Variants in PSTPIP1 observed in about 807,000 individuals in gnomAD.
PSTPIP1 encodes proline-serine-threonine phosphatase interacting protein 1, also known as proline-serine-threonine phosphatase-interacting protein 1.
In PSTPIP1, 66 loss-of-function variants were observed where a neutral mutation model predicts 69.6. The observed-to-expected ratio is 0.95, with a 90% CI of 0.78 to 1.16. The LOEUF (loss-of-function observed/expected upper bound fraction) is 1.16. PSTPIP1 is among the 50% of genes most tolerant of loss of function. The pLI, the probability that PSTPIP1 is intolerant of heterozygous loss-of-function variation, is 0.00. For synonymous variants in PSTPIP1, 266 were observed against 222.7 expected (o/e 1.19, Z -1.73); for missense variants, 603 against 557.4 (o/e 1.08, Z -0.82).
At chr15:77,032,191 C>A in intron 10 of PSTPIP1, 107 bp from the exon 11 acceptor site, 1 of 1,136,268 alleles carries the variant, frequency 8.8e-7, no homozygotes, top group Non-Finnish European at 1.3e-6. Flanking sequence ...GAGCCGCGCA[C>A]AATGGCCTGT....
chr15:77,007,315 A>G (rs1037187248), intron 1 of PSTPIP1, among the ~76,000 whole-genome samples: 5 of 152,210 alleles, frequency 3.3e-5, no homozygotes, highest in East Asian at 3.9e-4. Context: ...CTGGATAAAA[A>G]TCAGACTTCT....
chr15:77,033,197 C>G (rs1225319318), intron 12 of PSTPIP1, among the ~76,000 whole-genome samples: 1 of 152,178 alleles, frequency 6.6e-6, no homozygotes, highest in Non-Finnish European at 1.5e-5. Flanking sequence ...GGAGGTGCTC[C>G]GAGCTCTGGG....
rs146024481 is a variant in PSTPIP1 at position 77,035,393 on chromosome 15, C to G, written c.930-115C>G. ...CCATGCCTGGAGGCTAGGGGCAGTC[C>G]CAGCCCTGGCAGAGCGCGTGCAGCT... On this transcript the variant is annotated intron_variant, in intron 12 of 14. Transcript: ENST00000558012. 9.6e-5 allele frequency: 110 copies of G among 1,145,890 alleles called. No individual in the cohort carries two copies. In the African/African-American group the frequency reaches 1.1e-3, roughly 11 times the overall value. 71.0% of individuals were successfully genotyped at this position (1,145,890 alleles called of 1,614,324 possible).
chr15:77,009,132 G>A (rs2075881003), intron 1 of PSTPIP1, among the ~76,000 whole-genome samples: 1 of 152,174 alleles, frequency 6.6e-6, no homozygotes, highest in Non-Finnish European at 1.5e-5. Context: ...TAATGGCCAA[G>A]CAAGGATAAG....
chr15:77,016,342 G>A (rs899276617), intron 1 of PSTPIP1, among the ~76,000 whole-genome samples: 20 of 152,106 alleles, frequency 1.3e-4, no homozygotes, highest in Admixed American at 5.2e-4. Flanking sequence ...CTTCCCAGCC[G>A]CCAGGAGCTC....
Position 77,031,278 on chromosome 15 carries a change from G to GGT in PSTPIP1, c.741+2_741+3dup, listed in dbSNP as rs2076410394. 1 of 1,612,508 alleles carries GGT rather than the reference G, an allele frequency of 6.2e-7. No homozygotes were observed. The highest frequency in any genetic ancestry group is 1.7e-4 in the Middle Eastern group (1 of 6,056). On this transcript the variant is annotated frameshift_variant and splice_region_variant. Transcript: ENST00000558012. LOFTEE classifies it high-confidence loss of function. The stretch of plus-strand genomic sequence containing the variant: ...CCATGCAGTGTGTCAAGGATGATGA[G>GGT]GTGGGGGCTGAGGGCCTTGGTGTGG...
intron 1 of PSTPIP1, among the ~76,000 whole-genome samples, chr15:77,007,154 AT>A (rs1381601842): frequency 6.6e-6 from 1 of 152,142 alleles, no homozygotes; most frequent in Non-Finnish European, 1.5e-5. Context: ...AGGTCCATCT[AT>A]GACATCTCGG....
intron 1 of PSTPIP1, among the ~76,000 whole-genome samples, chr15:77,002,273 T>G (rs2075724978): frequency 6.6e-6 from 1 of 152,226 alleles, no homozygotes; most frequent in African/African-American, 2.4e-5. Flanking sequence ...TCTATTGCCC[T>G]CTGCCCTGAA....
At chr15:76,995,836 T>TTTCTCCTCTGGGAGAC (rs1323805323) in intron 1 of PSTPIP1, among the ~76,000 whole-genome samples, 1 of 152,178 alleles carries the variant, frequency 6.6e-6, no homozygotes, top group African/African-American at 2.4e-5. Flanking sequence ...CCCCGTGTGT[T>TTTCTCCTCTGGGAGAC]TTCTCCTCTG....
intron 1 of PSTPIP1, among the ~76,000 whole-genome samples, chr15:77,016,449 G>A (rs2076054585): frequency 6.6e-6 from 1 of 152,132 alleles, no homozygotes. Flanking sequence ...AGAAATGGAA[G>A]CCTGGTCCAA....
At chr15:77,003,100 A>T (rs1435802708) in intron 1 of PSTPIP1, among the ~76,000 whole-genome samples, 2 of 152,134 alleles carry the variant, frequency 1.3e-5, no homozygotes, top group Non-Finnish European at 2.9e-5. Flanking sequence ...GGTGGCAGAG[A>T]TACTTTCTTC....
chr15:77,003,580 C>T (rs2075755812), intron 1 of PSTPIP1, among the ~76,000 whole-genome samples: 1 of 151,874 alleles, frequency 6.6e-6, no homozygotes, highest in Non-Finnish European at 1.5e-5. Flanking sequence ...CGCTTGAACC[C>T]AGGAGGTGGA....
At position 77,037,267 on chromosome 15, in the gene PSTPIP1, A is replaced by C; in HGVS notation, c.*91A>C. The C allele has an allele frequency of 6.8e-7, 1 of 1,475,952 alleles. No homozygotes were observed. The highest frequency in any genetic ancestry group is 9.1e-7 in the Non-Finnish European group (1 of 1,100,042). 91.4% of individuals were successfully genotyped at this position (1,475,952 alleles called of 1,614,324 possible). A position where few individuals can be genotyped will look rare whatever the true frequency, so the allele number is the denominator to read the frequency against. ...CCCACCTTGCTAGGGCCCAGAACCA[A>C]GCGTCCCCCAGCCCCGAGAGGGAGC... On this transcript the variant is annotated 3_prime_UTR_variant, in exon 15 of 15. Transcript: ENST00000558012.
chr15:77,004,981 C>T (rs776957732), intron 1 of PSTPIP1, among the ~76,000 whole-genome samples: 8 of 152,098 alleles, frequency 5.3e-5, no homozygotes, highest in Non-Finnish European at 1.0e-4. Flanking sequence ...TCAATTACAC[C>T]CCGATTTCTG....
At chr15:76,999,169 C>T (rs2075644306) in intron 1 of PSTPIP1, among the ~76,000 whole-genome samples, 2 of 152,114 alleles carry the variant, frequency 1.3e-5, no homozygotes, top group Admixed American at 6.5e-5. Context: ...ATCCTCTGCA[C>T]AGGGCTGACA....
At chr15:77,036,047 C>G in intron 14 of PSTPIP1, 112 bp downstream of exon 14, 1 of 1,354,742 alleles carries the variant, frequency 7.4e-7, no homozygotes, top group Non-Finnish European at 9.8e-7. Flanking sequence ...CACTCATCTT[C>G]GAGCATCCTC....
rs2076343469 is a variant in PSTPIP1 at position 77,028,620 on chromosome 15, A to T, written c.484A>T (p.Ser162Cys). The T allele has an allele frequency of 6.3e-7, 1 of 1,590,130 alleles. No homozygotes were observed. The highest frequency in any genetic ancestry group is 1.3e-5 in the African/African-American group (1 of 74,364). Reference protein sequence around the residue: ...DDAEQAFERISANGHQKQVEK... With the variant: ...DDAEQAFERICANGHQKQVEK... The stretch of plus-strand genomic sequence containing the variant: ...CGCGGAGCAGGCCTTCGAGCGCATT[A>T]GCGCCAACGGCCACCAGAAGCAGGT... Residue 162 changes from serine to cysteine, a missense_variant, in exon 7 of 15, where the codon AGC becomes TGC. Physicochemically the swap from Ser to Cys is moderately radical, Grantham distance 112 (BLOSUM62 -1). Transcript: ENST00000558012.
chr15:77,035,062 A>G (rs1283563564), intron 12 of PSTPIP1, among the ~76,000 whole-genome samples: 1 of 151,962 alleles, frequency 6.6e-6, no homozygotes, highest in Non-Finnish European at 1.5e-5. Flanking sequence ...GTGGCAGTGC[A>G]CCCCCCACCC....
intron 1 of PSTPIP1, among the ~76,000 whole-genome samples, chr15:76,997,351 G>C (rs78227498): frequency 1.3e-5 from 2 of 152,172 alleles, no homozygotes; most frequent in African/African-American, 4.8e-5. Context: ...AGTCTGGGCC[G>C]ATGCCCCGAA....
Sources: allele counts gnomAD v4.1 joint callset (sites outside exome capture counted in the v4.1 genomes callset), GRCh38; gene constraint gnomAD v4.1.1; transcripts MANE v1.5; gene names NCBI Gene and HGNC (gene_info 2026-07-23, HGNC 2026-07-21).